PIK3R2: variants seen among roughly 807,000 people sequenced by gnomAD.
The protein encoded by PIK3R2 is phosphoinositide-3-kinase regulatory subunit 2.
In PIK3R2, 40 loss-of-function variants were observed where a neutral mutation model predicts 78.5. The ratio of observed to expected loss-of-function variants is 0.51; its 90% CI spans 0.40 to 0.66. PIK3R2 has a LOEUF of 0.66. Ranked by LOEUF, PIK3R2 falls within the 30% of genes least tolerant of loss-of-function variation. PIK3R2 has a pLI of 0.00. For missense variants in PIK3R2, 880 were observed against 1,026.6 expected (o/e 0.86, Z 1.95); for synonymous variants, 473 against 457.7 (o/e 1.03, Z -0.43).
chr19:18,158,067 A>C (rs1044520131), intron 2 of PIK3R2, among the ~76,000 whole-genome samples: 1 of 152,220 alleles, frequency 6.6e-6, no homozygotes, highest in African/African-American at 2.4e-5. Flanking sequence ...TAATTTGGGG[A>C]AGAAATAATT....
chr19:18,160,665 A>G lies in PIK3R2; in HGVS notation c.415+102A>G, dbSNP rs2043732389. On this transcript the variant is annotated intron_variant, in intron 3 of 15. Coordinates refer to ENST00000222254, the MANE Select transcript of PIK3R2 (RefSeq NM_005027.4). ...GCCTCCAAGCTCATGCTGCACGGAAACAGGCTGAGCCTGGATGCCCTGGGC... is the reference window on the plus strand; with the variant it reads ...GCCTCCAAGCTCATGCTGCACGGAAGCAGGCTGAGCCTGGATGCCCTGGGC... The G allele has an allele frequency of 5.9e-6, 6 of 1,022,594 alleles. No individual in the cohort carries two copies. The East Asian group carries it at 1.6e-4, about 27-fold the overall frequency. The allele number at this position is 1,022,594 out of a possible 1,614,324, so 63.3% of individuals were successfully genotyped here. A position where few individuals can be genotyped will look rare whatever the true frequency, so the allele number is the denominator to read the frequency against.
rs1407782327 is a variant in PIK3R2 at position 18,156,121 on chromosome 19, T to C, written c.242T>C (p.Val81Ala). The change falls in exon 2 of 16, where the codon GTG (valine) becomes GCG (alanine). Residue 81 changes from valine (V) to alanine (A), a missense_variant. By Grantham distance (64) the Val-to-Ala change is moderately conservative. Around this residue, in one of 3 missense-constraint regions of PIK3R2, gnomAD observed 456 missense variants for 486.6 expected, o/e 0.94. Coordinates refer to ENST00000222254, the MANE Select transcript of PIK3R2 (RefSeq NM_005027.4). The surrounding 1 kb of genome is among the most constrained non-coding windows in gnomAD (Gnocchi z 4.2). ...PGTYVEFLGP[V>A]ALARPGPRPR... ...ACCTATGTGGAGTTCCTGGGGCCCG[T>C]GGCCCTGGCCCGGCCCGGCCCTCGC... 6.5e-7 allele frequency: 1 copy of C among 1,530,824 alleles called. No homozygotes were observed. The highest frequency in any genetic ancestry group is 2.1e-5 in the Admixed American group (1 of 47,486). 94.8% of individuals were successfully genotyped at this position (1,530,824 alleles called of 1,614,324 possible). A position where few individuals can be genotyped will look rare whatever the true frequency, so the allele number is the denominator to read the frequency against.
Position 18,162,408 on chromosome 19 carries a change from G to A in PIK3R2, c.1011G>A (p.Arg337=), listed in dbSNP as rs770759413. The change falls in exon 9 of 16, where the codon AGG becomes AGA. Residue 337 remains arginine, a splice_region_variant and synonymous_variant. Transcript: ENST00000222254. ...DAEWYWGDIS[R]EEVNEKLRDT... Reference sequence around the variant, plus strand: ...GTCCCAATGTTGGATGTTCCCACAGGGAGGAGGTGAACGAGAAACTCCGGG... The same window carrying A: ...GTCCCAATGTTGGATGTTCCCACAGAGAGGAGGTGAACGAGAAACTCCGGG... 1.2e-6 allele frequency: 2 copies of A among 1,613,188 alleles called. No homozygotes were observed. The highest frequency in any genetic ancestry group is 1.3e-5 in the African/African-American group (1 of 74,904).
At position 18,168,825 on chromosome 19, in the gene PIK3R2, G is replaced by A. The variant is rs1166794975; in HGVS notation, c.1908G>A (p.Leu636=). The A allele has an allele frequency of 1.2e-6, 2 of 1,613,974 alleles. No homozygotes were observed. Among genetic ancestry groups the A allele is most frequent in the South Asian group, 1.1e-5 (1 of 91,084 alleles). Residue 636 remains leucine, a synonymous_variant, in exon 15 of 16, where the codon CTG becomes CTA. Transcript: ENST00000222254. The surrounding 1 kb of genome is among the most constrained non-coding windows in gnomAD (Gnocchi z 4.1). ...KINRTQAEEM[L]SGKRDGTFLI... ...ACCGCACGCAGGCAGAGGAGATGCT[G>A]AGTGGCAAGCGGGATGGCACCTTCC... is the stretch of plus-strand genomic sequence containing the variant.
In PIK3R2 at chr19:18,169,051, C is replaced by T. The variant is rs373052361; in HGVS notation, c.1980-36C>T. 9.0e-4 allele frequency: 1,422 copies of T among 1,588,664 alleles called. No homozygotes were observed. The highest frequency in any genetic ancestry group is 1.2e-3 in the Non-Finnish European group (1,361 of 1,163,098). Reference sequence around the variant, plus strand: ...AACGGGGAAAGCTTGGCGGGGAGGCCAGCCTTCCGACTCCCCCTCTCGTCT... The same window carrying T: ...AACGGGGAAAGCTTGGCGGGGAGGCTAGCCTTCCGACTCCCCCTCTCGTCT... On this transcript the variant is annotated intron_variant, in intron 15 of 15. Transcript: ENST00000222254.
chr19:18,168,552 T>TGACC lies in PIK3R2; in HGVS notation c.1808+8_1808+11dup. The TGACC allele has an allele frequency of 1.3e-6, 1 of 781,224 alleles. No homozygotes were observed. Among genetic ancestry groups the TGACC allele is most frequent in the Non-Finnish European group, 2.4e-6 (1 of 419,200 alleles). The allele number at this position is 781,224 out of a possible 1,614,324, so 48.4% of individuals were successfully genotyped here. ...ATTAAAAATGAGACTGAGGAGTGAG[T>TGACC]GACCGTCTGGAGGGAGGCAGGGAGG... On this transcript the variant is annotated splice_region_variant and intron_variant, in intron 14 of 15. Transcript: ENST00000222254. The surrounding 1 kb of genome is among the most constrained non-coding windows in gnomAD (Gnocchi z 4.1).
Position 18,161,032 on chromosome 19 carries a change from G to C in PIK3R2, c.467-22G>C. ...GGGCCCCAGTACACATGAGTTGGAC[G>C]TGTGCCCCCCTGCACCCGCAGACTG... On this transcript the variant is annotated intron_variant, in intron 4 of 15. Transcript: ENST00000222254. The surrounding 1 kb of genome is among the most constrained non-coding windows in gnomAD (Gnocchi z 5.3). 6.2e-7 allele frequency: 1 copy of C among 1,611,500 alleles called. No homozygotes were observed. The highest frequency in any genetic ancestry group is 8.5e-7 in the Non-Finnish European group (1 of 1,179,254).
In PIK3R2 at chr19:18,162,515, C is replaced by T. The variant is rs1435112938; in HGVS notation, c.1109+9C>T. On this transcript the variant is annotated intron_variant, in intron 9 of 15. Transcript: ENST00000222254. Reference sequence around the variant, plus strand: ...TACACGCTGACCCTCAGGTGGGGGCCTGTCCCTGCAAGGATAACCGGGGGT... The same window carrying T: ...TACACGCTGACCCTCAGGTGGGGGCTTGTCCCTGCAAGGATAACCGGGGGT... 1.2e-6 allele frequency: 2 copies of T among 1,609,728 alleles called. No individual in the cohort carries two copies. The highest frequency in any genetic ancestry group is 1.7e-6 in the Non-Finnish European group (2 of 1,177,154).
chr19:18,166,465 C>T (rs2043811892), intron 12 of PIK3R2, among the ~76,000 whole-genome samples, 163 bp downstream of exon 12: 1 of 152,110 alleles, frequency 6.6e-6, no homozygotes, highest in Non-Finnish European at 1.5e-5. Context: ...AATCCCAGCA[C>T]TTTAGGAGGC....
chr19:18,156,160 G>A lies in PIK3R2; in HGVS notation c.281G>A (p.Arg94His), dbSNP rs757629395. ...ARPGPRPRGP[R>H]PLPARPRDGA... is the part of the protein sequence containing the mutation. ...CCCGGCCCTCGCCCACGGGGCCCCC[G>A]CCCACTGCCCGCCAGGCCCCGTGAT... The change falls in exon 2 of 16, where the codon CGC (arginine) becomes CAC (histidine). Residue 94 changes from arginine (R) to histidine (H), a missense_variant. By Grantham distance (29) the Arg-to-His change is conservative. Transcript: ENST00000222254. This position sits in a 1 kb window ranked among gnomAD's most constrained non-coding sequence, Gnocchi z 4.2. 6.9e-6 allele frequency: 10 copies of A among 1,454,172 alleles called. No homozygotes were observed. Among genetic ancestry groups the A allele is most frequent in the East Asian group, 2.7e-5 (1 of 37,178 alleles). 90.1% of individuals were successfully genotyped at this position (1,454,172 alleles called of 1,614,324 possible).
Position 18,163,005 on chromosome 19 carries a change from G to A in PIK3R2, c.1148G>A (p.Arg383Gln), listed in dbSNP as rs758678379. Residue 383 changes from arginine to glutamine, a missense_variant, in exon 10 of 16, where the codon CGA becomes CAA. By Grantham distance (43) the Arg-to-Gln change is conservative. Coordinates refer to ENST00000222254, the MANE Select transcript of PIK3R2 (RefSeq NM_005027.4). ...AATAAGCTGATCAAGGTCTTCCACC[G>A]AGATGGGCACTATGGCTTCTCAGAG... ...GNNKLIKVFH[R>Q]DGHYGFSEPL... The A allele has an allele frequency of 1.3e-5, 21 of 1,613,834 alleles. No homozygotes were observed. Among genetic ancestry groups the A allele is most frequent in the Admixed American group, 1.0e-4 (6 of 59,986 alleles).
chr19:18,166,140 A>G lies in PIK3R2; in HGVS notation c.1417-20A>G. 1 of 1,613,632 alleles carries G rather than the reference A, an allele frequency of 6.2e-7. No homozygotes were observed. Among genetic ancestry groups the G allele is most frequent in the Non-Finnish European group, 8.5e-7 (1 of 1,179,934 alleles). On this transcript the variant is annotated intron_variant, in intron 11 of 15. Coordinates refer to ENST00000222254, the MANE Select transcript of PIK3R2 (RefSeq NM_005027.4). ...TTTTGGGGAGTCCCAGGAGGTGCTG[A>G]GCTGCGCCCCCTCCTCCAGGAGCTG...
Position 18,161,257 on chromosome 19 carries a change from TG to T in PIK3R2, c.599-21del. 6.9e-7 allele frequency: 1 copy of T among 1,447,714 alleles called. No homozygotes were observed. The highest frequency in any genetic ancestry group is 9.0e-7 in the Non-Finnish European group (1 of 1,106,756). The allele number at this position is 1,447,714 out of a possible 1,614,324, so 89.7% of individuals were successfully genotyped here. A position where few individuals can be genotyped will look rare whatever the true frequency, so the allele number is the denominator to read the frequency against. ...GGGAGGGCCCAGGCCTGGCTCACCC[TG>T]CCCTGGCCATCTGTCCGCAGAGGCC... is the stretch of plus-strand genomic sequence containing the variant. On this transcript the variant is annotated intron_variant, in intron 5 of 15. Coordinates refer to ENST00000222254, the MANE Select transcript of PIK3R2 (RefSeq NM_005027.4). This position sits in a 1 kb window ranked among gnomAD's most constrained non-coding sequence, Gnocchi z 5.3.
intron 2 of PIK3R2, among the ~76,000 whole-genome samples, chr19:18,157,654 T>C (rs1321071449): frequency 6.6e-6 from 1 of 150,512 alleles, no homozygotes; most frequent in Non-Finnish European, 1.5e-5. Context: ...TGCAGATTGA[T>C]CCCAGGCCAC....
In PIK3R2 at chr19:18,161,104, G is replaced by A. The variant is rs767863322; in HGVS notation, c.517G>A (p.Gly173Ser). 71 of 1,600,556 alleles carry A rather than the reference G, an allele frequency of 4.4e-5. 1 individual carries two copies. In the South Asian group the frequency reaches 7.2e-4, roughly 16 times the overall value. The change falls in exon 5 of 16, where the codon GGC becomes AGC. Residue 173 changes from glycine (G) to serine (S), a missense_variant. Around this residue, in one of 3 missense-constraint regions of PIK3R2, gnomAD observed 456 missense variants for 486.6 expected, o/e 0.94. Transcript: ENST00000222254. The surrounding 1 kb of genome is among the most constrained non-coding windows in gnomAD (Gnocchi z 5.3). ...GTGGGACACGGCAGCCCTGGCTGACGGCATTAAGAGCTTCCTGCTGGCACT... is the reference window on the plus strand; with the variant it reads ...GTGGGACACGGCAGCCCTGGCTGACAGCATTAAGAGCTTCCTGCTGGCACT... ...DQWDTAALAD[G>S]IKSFLLALPA...
intron 3 of PIK3R2, 27 bp from the exon 4 acceptor site, chr19:18,160,891 CT>C (rs1217990710): frequency 1.3e-6 from 2 of 1,594,514 alleles, no homozygotes; most frequent in Non-Finnish European, 1.7e-6. Context: ...CATTTGAGAG[CT>C]GACTCGCCTG....
chr19:18,166,007 A>T, intron 11 of PIK3R2, 153 bp from the exon 12 acceptor site: 1 of 937,680 alleles, frequency 1.1e-6, no homozygotes. Context: ...GCTGAATAGG[A>T]GTTCATTTGG....
At chr19:18,166,359 C>T in intron 12 of PIK3R2, 57 bp downstream of exon 12, 1 of 1,483,460 alleles carries the variant, frequency 6.7e-7, no homozygotes, top group Non-Finnish European at 9.3e-7. Flanking sequence ...CAGTACAAGC[C>T]AGGGAGGGAA....
chr19:18,166,404 G>A, intron 12 of PIK3R2, 102 bp downstream of exon 12: 1 of 953,134 alleles, frequency 1.0e-6, no homozygotes, highest in Non-Finnish European at 1.6e-6. Context: ...TGGAGGCAAA[G>A]AGTAGTCTGT....
Sources: allele counts gnomAD v4.1 joint callset (sites outside exome capture counted in the v4.1 genomes callset), GRCh38; gene constraint gnomAD v4.1.1; regional missense constraint gnomAD v4.1.1; non-coding constraint Gnocchi (gnomAD v3.1); transcripts MANE v1.5; gene names NCBI Gene and HGNC (gene_info 2026-07-23, HGNC 2026-07-21).